Variants in SEC16A observed in about 807,000 individuals in gnomAD.
SEC16A encodes the protein protein transport protein Sec16A.
In SEC16A, 110 loss-of-function variants were observed where a neutral mutation model predicts 221.9. The ratio of observed to expected loss-of-function variants is 0.50; its 90% CI spans 0.42 to 0.58. SEC16A has a LOEUF of 0.58. Ranked by LOEUF, SEC16A falls within the 20% of genes least tolerant of loss-of-function variation. The pLI is 0.00. For synonymous variants in SEC16A, 1,393 were observed against 1,257.7 expected, an observed-to-expected ratio of 1.11 and a Z score of -2.28; for missense variants, 3,165 against 3,097.8, an observed-to-expected ratio of 1.02 and a Z score of -0.52.
Position 136,476,339 on chromosome 9 carries a change from GCC to G in SEC16A, c.1275_1276del (p.Gln425HisfsTer9). On this transcript the variant is annotated frameshift_variant, in exon 3 of 32. Transcript: ENST00000684901. LOFTEE classifies it high-confidence loss of function. ...CTCATTGCTGGGGCCTGGGAGAAGGGCCTGGCAGAGGCTGCCTGCCCCCACGT... is the reference window on the plus strand; with the variant it reads ...CTCATTGCTGGGGCCTGGGAGAAGGGTGGCAGAGGCTGCCTGCCCCCACGT... 6.2e-7 allele frequency: 1 copy of G among 1,612,688 alleles called. No homozygotes were observed. Among genetic ancestry groups the G allele is most frequent in the Non-Finnish European group, 8.5e-7 (1 of 1,179,876 alleles).
chr9:136,482,933 C>G lies in SEC16A; in HGVS notation c.-192+5G>C, dbSNP rs1842599559. The stretch of plus-strand genomic sequence containing the variant: ...TCGCCCCCTCACCCGCGCTCGCCCC[C>G]TCACCCGCGCGGCTGAGACCGATCC... On this transcript the variant is annotated splice_donor_5th_base_variant and intron_variant, in intron 1 of 31. Coordinates refer to ENST00000684901, the MANE Select transcript of SEC16A (RefSeq NM_014866.2). The G allele has an allele frequency of 1.0e-6, 1 of 980,512 alleles. No individual in the cohort carries two copies. Among genetic ancestry groups the G allele is most frequent in the Non-Finnish European group, 1.2e-6 (1 of 826,038 alleles). 60.7% of individuals were successfully genotyped at this position (980,512 alleles called of 1,614,324 possible).
rs373717900 is a variant in SEC16A at position 136,466,504 on chromosome 9, C to A, written c.3930-42G>T. 1 of 1,532,324 alleles carries A rather than the reference C, an allele frequency of 6.5e-7. No homozygotes were observed. The highest frequency in any genetic ancestry group is 1.2e-5 in the South Asian group (1 of 80,624). 94.9% of individuals were successfully genotyped at this position (1,532,324 alleles called of 1,614,324 possible). A position where few individuals can be genotyped will look rare whatever the true frequency, so the allele number is the denominator to read the frequency against. On this transcript the variant is annotated intron_variant, in intron 6 of 31. Transcript: ENST00000684901. This position sits in a 1 kb window ranked among gnomAD's most constrained non-coding sequence, Gnocchi z 5.5. Reference sequence around the variant, plus strand: ...GACAGAGGCAGAGGAATGGGAGTGCCGGAGGCCCCGTCCCCATGTGCCACG... The same window carrying A: ...GACAGAGGCAGAGGAATGGGAGTGCAGGAGGCCCCGTCCCCATGTGCCACG...
chr9:136,465,217 G>A (rs576911756), intron 8 of SEC16A, among the ~76,000 whole-genome samples: 62 of 152,330 alleles, frequency 4.1e-4, no homozygotes, highest in South Asian at 1.0e-3. Context: ...TTGGGAGACC[G>A]AGGAGGATGG....
intron 3 of SEC16A, among the ~76,000 whole-genome samples, chr9:136,473,526 T>G (rs760951980): frequency 7.9e-5 from 12 of 152,276 alleles, no homozygotes; most frequent in Non-Finnish European, 1.5e-4. Flanking sequence ...CACCACGTGC[T>G]GACAGCAGCT....
rs896445312 is a variant in SEC16A, at chr9:136,476,227, T to G, written c.1389A>C (p.Glu463Asp). Residue 463 changes from glutamate to aspartate, a missense_variant, in exon 3 of 32, where the codon GAA (glutamate) becomes GAC (aspartate). Glu to Asp is a conservative substitution (Grantham distance 45, BLOSUM62 2). Coordinates refer to ENST00000684901, the MANE Select transcript of SEC16A (RefSeq NM_014866.2). ...GSQYENVENLEFVQNQEVLPS... is the reference protein window; with the variant it reads ...GSQYENVENLDFVQNQEVLPS... ...GCAGAACTTCTTGATTCTGAACAAATTCTAAGTTCTCAACATTCTCATACT... is the reference window on the plus strand; with the variant it reads ...GCAGAACTTCTTGATTCTGAACAAAGTCTAAGTTCTCAACATTCTCATACT... 3.1e-6 allele frequency: 5 copies of G among 1,613,548 alleles called. No homozygotes were observed. Among genetic ancestry groups the G allele is most frequent in the Middle Eastern group, 1.6e-4 (1 of 6,084 alleles).
At chr9:136,454,843 C>T (rs1838382267) in intron 20 of SEC16A, among the ~76,000 whole-genome samples, 1 of 152,244 alleles carries the variant, frequency 6.6e-6, no homozygotes, top group Non-Finnish European at 1.5e-5. Flanking sequence ...CAGCAATCAA[C>T]CAGGAAGTGG....
upstream of SEC16A, among the ~76,000 whole-genome samples, chr9:136,483,325 C>T (rs1293467289): frequency 1.4e-5 from 2 of 140,548 alleles, no homozygotes; most frequent in Admixed American, 1.4e-4. Flanking sequence ...GTAGTTCCCG[C>T]TCCCCTTGGC....
chr9:136,457,474 A>G lies in SEC16A; in HGVS notation c.5520T>C (p.Tyr1840=), dbSNP rs771808083. The change falls in exon 18 of 32, where the codon TAT becomes TAC. Residue 1840 remains tyrosine (Y), a synonymous_variant. Transcript: ENST00000684901. ...AKSILTQPHL[Y]SPVLISQLVQ... is the part of the protein sequence containing the mutation. Reference sequence around the variant, plus strand: ...CAAGCTGGCTGATCAACACCGGGGAATACAGGTGCGGCTGCGTCAGGATGC... The same window carrying G: ...CAAGCTGGCTGATCAACACCGGGGAGTACAGGTGCGGCTGCGTCAGGATGC... 5 of 1,607,842 alleles carry G rather than the reference A, an allele frequency of 3.1e-6. No homozygotes were observed. In the Admixed American group the frequency reaches 6.7e-5, roughly 22 times the overall value.
rs531785361 is a variant in SEC16A at position 136,453,808 on chromosome 9, C to T, written c.6077-298G>A. 6.6e-5 allele frequency among the ~76,000 whole-genome samples: 10 copies of T among 152,328 alleles called. No homozygotes were observed. In the South Asian group the frequency reaches 8.3e-4, roughly 13 times the overall value. ...ACCTGCCCCTGTGCATCTCACCAGGCGTCCAGCAGGGCCGTCTAAAGACAG... is the reference window on the plus strand; with the variant it reads ...ACCTGCCCCTGTGCATCTCACCAGGTGTCCAGCAGGGCCGTCTAAAGACAG... On this transcript the variant is annotated intron_variant, in intron 21 of 31. Transcript: ENST00000684901.
At position 136,476,652 on chromosome 9, in the gene SEC16A, C is replaced by T. The variant is rs1841682446; in HGVS notation, c.964G>A (p.Gly322Arg). 2 of 1,573,038 alleles carry T rather than the reference C, an allele frequency of 1.3e-6. No homozygotes were observed. Among genetic ancestry groups the T allele is most frequent in the Non-Finnish European group, 1.7e-6 (2 of 1,157,522 alleles). ...GCGGGCCGGTGCTCATTCTTCACTC[C>T]TGGATTCTGCCTGAGCTCTGGGCTT... ...WASPELRQNPGVKNEHRPASA... is the reference protein window; with the variant it reads ...WASPELRQNPRVKNEHRPASA... Residue 322 changes from glycine (G) to arginine (R), a missense_variant, in exon 3 of 32, where the codon GGA (glycine) becomes AGA (arginine). Transcript: ENST00000684901.
Position 136,447,917 on chromosome 9 carries a change from G to A in SEC16A, c.6391-8C>T. ...CTTTTCATCCCAAACAATCTGCCAAGATTTTAAAAAGAAAAAAGGTCAGCA... is the reference window on the plus strand; with the variant it reads ...CTTTTCATCCCAAACAATCTGCCAAAATTTTAAAAAGAAAAAAGGTCAGCA... On this transcript the variant is annotated splice_region_variant and splice_polypyrimidine_tract_variant and intron_variant, in intron 24 of 31. Transcript: ENST00000684901. This position sits in a 1 kb window ranked among gnomAD's most constrained non-coding sequence, Gnocchi z 5.5. 6.2e-7 allele frequency: 1 copy of A among 1,604,254 alleles called. No homozygotes were observed. The highest frequency in any genetic ancestry group is 8.5e-7 in the Non-Finnish European group (1 of 1,174,884).
At chr9:136,483,062 C>T, upstream of SEC16A, 1 of 978,638 alleles carries the variant, frequency 1.0e-6, no homozygotes, top group Non-Finnish European at 1.2e-6. Flanking sequence ...CCGCGGCCGC[C>T]GCGCCGCCGA....
At chr9:136,461,083 G>C in intron 13 of SEC16A, 94 bp downstream of exon 13, 1 of 936,074 alleles carries the variant, frequency 1.1e-6, no homozygotes, top group Non-Finnish European at 1.7e-6. Context: ...AGTCAAGTGA[G>C]ATCCGCCTGC....
chr9:136,468,673 T>C (rs1016361591), intron 4 of SEC16A, among the ~76,000 whole-genome samples, 161 bp from the exon 5 acceptor site: 3 of 152,252 alleles, frequency 2.0e-5, no homozygotes, highest in African/African-American at 7.2e-5. Context: ...AGGATGAGAC[T>C]GTGGAATTTC....
intron 3 of SEC16A, 66 bp downstream of exon 3, chr9:136,473,983 T>C: frequency 6.7e-7 from 1 of 1,497,024 alleles, no homozygotes; most frequent in Non-Finnish European, 9.1e-7. Context: ...GAATACACTG[T>C]GAGTGAGACT....
upstream of SEC16A, chr9:136,483,689 G>A: frequency 1.0e-6 from 1 of 985,548 alleles, no homozygotes; most frequent in Non-Finnish European, 1.2e-6. Flanking sequence ...ATGCCAGCAG[G>A]CTCACGCACC....
rs1486993958 is a variant in SEC16A, at chr9:136,466,282, G to A, written c.4110C>T (p.Leu1370=). Residue 1370 remains leucine (L), a synonymous_variant, in exon 7 of 32, where the codon CTC becomes CTT. Coordinates refer to ENST00000684901, the MANE Select transcript of SEC16A (RefSeq NM_014866.2). The surrounding 1 kb of genome is among the most constrained non-coding windows in gnomAD (Gnocchi z 5.5). ...CGCGTACCTGGTGCGAGTGGGAGCT[G>A]AGGCTGCTGCGGCGGCTGGCCAGGC... The part of the protein sequence containing the change: ...AHSLASRRSS[L]SSHSHQSQIY... 6.3e-7 allele frequency: 1 copy of A among 1,579,586 alleles called. No individual in the cohort carries two copies. The highest frequency in any genetic ancestry group is 8.6e-7 in the Non-Finnish European group (1 of 1,162,762).
Position 136,441,392 on chromosome 9 carries a change from C to A in SEC16A, c.*363G>T. On this transcript the variant is annotated 3_prime_UTR_variant, in exon 32 of 32. Transcript: ENST00000684901. ...GGCTTGGAGAGGCCCTGGTTACTAC[C>A]GACCATGTGGCTCTCCTGTGGCAGA... is the stretch of plus-strand genomic sequence containing the variant. The A allele has an allele frequency of 3.3e-6, 1 of 306,448 alleles. No homozygotes were observed. The highest frequency in any genetic ancestry group is 7.7e-5 in the East Asian group (1 of 13,052). The allele number at this position is 306,448 out of a possible 1,614,324, so 19.0% of individuals were successfully genotyped here.
chr9:136,446,093 A>T (rs1836933860), intron 28 of SEC16A, among the ~76,000 whole-genome samples: 1 of 148,552 alleles, frequency 6.7e-6, no homozygotes, highest in Admixed American at 6.7e-5. Context: ...TACAGAGTGC[A>T]GTCTGAGCTG....
Sources: gnomAD v4.1 joint callset for allele counts (sites outside exome capture counted in the v4.1 genomes callset) on GRCh38, gnomAD v4.1.1 for gene constraint, Gnocchi (gnomAD v3.1) non-coding constraint, MANE v1.5 for transcripts, NCBI Gene and HGNC (gene_info 2026-07-23, HGNC 2026-07-21) for gene names.